Variants in WWP2 observed in about 807,000 individuals in gnomAD.
WWP2 encodes the protein WW domain containing E3 ubiquitin protein ligase 2.
WWP2 carries 57 observed loss-of-function variants against 121.0 expected under a neutral mutation model. The observed-to-expected ratio is 0.47, with a 90% confidence interval of 0.38 to 0.59. WWP2 has a LOEUF of 0.59. Ranked by LOEUF, WWP2 falls within the 20% of genes least tolerant of loss-of-function variation. The probability of loss-of-function intolerance (pLI) is 0.00; values close to 1 mark genes in which losing one functional copy is unlikely to be tolerated. For missense variants in WWP2, 962 were observed against 1,158.9 expected (o/e 0.83, Z 2.47); for synonymous variants, 449 against 441.3 (o/e 1.02, Z -0.22).
chr16:69,877,438 C>A (rs1024015867), intron 7 of WWP2, among the ~76,000 whole-genome samples: 1 of 152,230 alleles, frequency 6.6e-6, no homozygotes, highest in African/African-American at 2.4e-5. Context: ...GTTTGATCTT[C>A]TTTTCAGACT....
At position 69,840,235 on chromosome 16, in the gene WWP2, T is replaced by C; in HGVS notation, c.450T>C (p.Asn150=). 1 of 1,614,120 alleles carries C rather than the reference T, an allele frequency of 6.2e-7. No homozygotes were observed. The highest frequency in any genetic ancestry group is 8.5e-7 in the Non-Finnish European group (1 of 1,179,994). The change falls in exon 5 of 24, where the codon AAT becomes AAC. Residue 150 remains asparagine, a synonymous_variant. Coordinates refer to ENST00000359154, the MANE Select transcript of WWP2 (RefSeq NM_001270454.2). ...FLDGPTVDLG[N]VPNGSALTDG... Reference sequence around the variant, plus strand: ...ACGGGCCAACTGTTGATCTGGGAAATGTGCCTAATGGCAGTGCCCTGACAG... The same window carrying C: ...ACGGGCCAACTGTTGATCTGGGAAACGTGCCTAATGGCAGTGCCCTGACAG...
chr16:69,852,587 G>A (rs2057238590), intron 6 of WWP2, among the ~76,000 whole-genome samples: 1 of 152,178 alleles, frequency 6.6e-6, no homozygotes, highest in African/African-American at 2.4e-5. Context: ...GATATGGAGA[G>A]TCTTTTCATA....
At chr16:69,849,935 C>T (rs1301411455) in intron 6 of WWP2, among the ~76,000 whole-genome samples, 2 of 152,190 alleles carry the variant, frequency 1.3e-5, no homozygotes, top group Non-Finnish European at 2.9e-5. Context: ...TTGGCATTTA[C>T]TCTGTATGAG....
At chr16:69,933,298 T>C (rs1487042189) in intron 16 of WWP2, 1 of 361,574 alleles carries the variant, frequency 2.8e-6, no homozygotes, top group Admixed American at 3.6e-5. Flanking sequence ...TCTGAATTCA[T>C]GCCTGAGGCT....
rs961608737 is a variant in WWP2, at chr16:69,931,662, C to A, written c.1593+82C>A. Reference sequence around the variant, plus strand: ...ATCTCCTATCGCGTGGCCTGTTAAACCCACACTGCAGACTTTCCAGGGCGT... The same window carrying A: ...ATCTCCTATCGCGTGGCCTGTTAAAACCACACTGCAGACTTTCCAGGGCGT... On this transcript the variant is annotated intron_variant, in intron 15 of 23. Coordinates refer to ENST00000359154, the MANE Select transcript of WWP2 (RefSeq NM_001270454.2). 24 of 1,592,764 alleles carry A rather than the reference C, an allele frequency of 1.5e-5. No individual in the cohort carries two copies. The Admixed American group carries it at 4.0e-4, about 27-fold the overall frequency.
intron 4 of WWP2, among the ~76,000 whole-genome samples, chr16:69,820,309 T>A (rs1429315588): frequency 6.6e-6 from 1 of 152,178 alleles, no homozygotes. Flanking sequence ...GTGGTGCATC[T>A]CAGCTCACTG....
intron 4 of WWP2, among the ~76,000 whole-genome samples, chr16:69,808,281 T>C (rs1418623563): frequency 6.6e-6 from 1 of 152,168 alleles, no homozygotes; most frequent in Non-Finnish European, 1.5e-5. Context: ...CTTTTTTTTT[T>C]TTAATAGAGA....
intron 1 of WWP2, among the ~76,000 whole-genome samples, chr16:69,772,869 CTT>C (rs1350737329): frequency 6.6e-6 from 1 of 152,076 alleles, no homozygotes; most frequent in African/African-American, 2.4e-5. Flanking sequence ...GTTGACCTCT[CTT>C]GTGGGCAGCT....
chr16:69,901,446 TC>T (rs2058202494), intron 8 of WWP2, among the ~76,000 whole-genome samples: 1 of 152,174 alleles, frequency 6.6e-6, no homozygotes, highest in East Asian at 1.9e-4. Flanking sequence ...GGAGTCTTGC[TC>T]TGTCGCCCAG....
In WWP2 at chr16:69,908,751, T is replaced by C. The variant is rs758285921; in HGVS notation, c.915-10T>C. 6.2e-7 allele frequency: 1 copy of C among 1,614,100 alleles called. No individual in the cohort carries two copies. On this transcript the variant is annotated splice_polypyrimidine_tract_variant and intron_variant, in intron 8 of 23. Transcript: ENST00000359154. ...GTGTGTCTCATGCTACCCTTGACTT[T>C]ATTTTTCAGATGGGAACAGCGAGAG...
At chr16:69,865,541 G>A (rs941491775) in intron 6 of WWP2, among the ~76,000 whole-genome samples, 2 of 152,232 alleles carry the variant, frequency 1.3e-5, no homozygotes, top group Non-Finnish European at 2.9e-5. Flanking sequence ...CAGGCAGGAA[G>A]TGGAGCCTCT....
chr16:69,768,602 C>A (rs1025044700), intron 1 of WWP2, among the ~76,000 whole-genome samples: 1 of 152,134 alleles, frequency 6.6e-6, no homozygotes, highest in Non-Finnish European at 1.5e-5. Context: ...AAGAGCGAAA[C>A]TCCTTCTCAA....
intron 1 of WWP2, among the ~76,000 whole-genome samples, chr16:69,771,616 T>C (rs1342200407): frequency 6.6e-6 from 1 of 152,218 alleles, no homozygotes; most frequent in African/African-American, 2.4e-5. Flanking sequence ...TTTTCAAGAT[T>C]GTTTTGGCGA....
intron 10 of WWP2, among the ~76,000 whole-genome samples, chr16:69,919,165 T>C (rs1402420057): frequency 6.6e-6 from 1 of 152,154 alleles, no homozygotes; most frequent in Non-Finnish European, 1.5e-5. Flanking sequence ...TTCTTTTCTT[T>C]TCTTATTTCT....
At chr16:69,898,005 T>C (rs2058134717) in intron 8 of WWP2, among the ~76,000 whole-genome samples, 1 of 150,454 alleles carries the variant, frequency 6.6e-6, no homozygotes, top group African/African-American at 2.4e-5. Flanking sequence ...TATGTGGTTT[T>C]TTCTTTTTCT....
intron 8 of WWP2, among the ~76,000 whole-genome samples, chr16:69,891,694 C>G (rs7190665): frequency 6.6e-6 from 1 of 152,124 alleles, no homozygotes; most frequent in South Asian, 2.1e-4. Context: ...CCTCTGGGAT[C>G]TGATGCTAAG....
At chr16:69,797,242 GA>G (rs1251687963) in intron 2 of WWP2, among the ~76,000 whole-genome samples, 2 of 152,232 alleles carry the variant, frequency 1.3e-5, no homozygotes, top group African/African-American at 4.8e-5. Context: ...TGAAGGCTAT[GA>G]GCGGAAGAAG....
In WWP2 at chr16:69,816,756, T is replaced by TACATATACACATACACACATAC. The variant is rs2056499728; in HGVS notation, c.340+17473_340+17494dup. Among the ~76,000 whole-genome samples the TACATATACACATACACACATAC allele has an allele frequency of 3.3e-5, 5 of 152,150 alleles. No individual in the cohort carries two copies. In the South Asian group the frequency reaches 1.0e-3, roughly 32 times the overall value. On this transcript the variant is annotated intron_variant, in intron 4 of 23. Transcript: ENST00000359154. ...GCACACGTATACATATACACACGTA[T>TACATATACACATACACACATAC]ACATATACACATACACACATACACA...
chr16:69,803,079 A>G (rs1489012721), intron 4 of WWP2, among the ~76,000 whole-genome samples: 1 of 150,920 alleles, frequency 6.6e-6, no homozygotes, highest in Non-Finnish European at 1.5e-5. Flanking sequence ...TATATTGGAT[A>G]TTACTTGTAA....
Sources: allele counts gnomAD v4.1 joint callset (sites outside exome capture counted in the v4.1 genomes callset), GRCh38; gene constraint gnomAD v4.1.1; transcripts MANE v1.5; gene names NCBI Gene and HGNC (gene_info 2026-07-23, HGNC 2026-07-21).